The following SPATA6L variants were observed in gnomAD, a reference collection of about 807,000 sequenced individuals.
SPATA6L encodes the protein spermatogenesis associated 6-like protein.
In SPATA6L, 68 loss-of-function variants were observed where a neutral mutation model predicts 49.2. That is an observed-to-expected ratio of 1.38 (90% CI 1.14 to 1.69). The LOEUF (loss-of-function observed/expected upper bound fraction) is 1.69, where lower values mean the gene tolerates loss of function less well. Among genes scored for constraint, SPATA6L ranks in the 40% most tolerant of loss-of-function variants. The probability of loss-of-function intolerance (pLI) is 0.00; values close to 1 mark genes in which losing one functional copy is unlikely to be tolerated. For synonymous variants in SPATA6L, 198 were observed against 165.7 expected, an observed-to-expected ratio of 1.19 and a Z score of -1.50; for missense variants, 668 against 464.3, an observed-to-expected ratio of 1.44 and a Z score of -4.03.
intron 9 of SPATA6L, among the ~76,000 whole-genome samples, chr9:4,608,902 G>C (rs553508593): frequency 1.3e-5 from 2 of 152,034 alleles, no homozygotes; most frequent in South Asian, 4.2e-4. Flanking sequence ...CCACTAGCAA[G>C]ACTAATAAAG....
intron 8 of SPATA6L, among the ~76,000 whole-genome samples, 200 bp downstream of exon 8, chr9:4,618,664 T>C (rs573206245): frequency 4.6e-5 from 7 of 152,164 alleles, no homozygotes; most frequent in Non-Finnish European, 8.8e-5. Context: ...TCATCCTACT[T>C]ATATGAGGGG....
downstream of SPATA6L, among the ~76,000 whole-genome samples, chr9:4,597,654 G>A (rs536543291): frequency 9.8e-5 from 15 of 152,288 alleles, 1 homozygote; most frequent in South Asian, 3.1e-3. Flanking sequence ...TGTGGAGGAT[G>A]GGGCTCCCAG....
At chr9:4,626,613 C>T (rs780427762) in intron 5 of SPATA6L, 42 of 1,220,900 alleles carry the variant, frequency 3.4e-5, no homozygotes, top group Middle Eastern at 2.3e-4. Context: ...CCCCTTTTAT[C>T]TTTCAGTCTT....
At chr9:4,661,749 T>TCCTACTGCGGTTTTGCTTCAAGG in intron 2 of SPATA6L, 150 bp downstream of exon 2, 1 of 799,950 alleles carries the variant, frequency 1.3e-6, no homozygotes, top group South Asian at 2.2e-5. Context: ...AAGCAAGTGT[T>TCCTACTGCGGTTTTGCTTCAAGG]CCGACTGCGG....
chr9:4,658,123 T>A (rs1336371335), intron 2 of SPATA6L, among the ~76,000 whole-genome samples: 1 of 152,218 alleles, frequency 6.6e-6, no homozygotes, highest in East Asian at 1.9e-4. Flanking sequence ...ATTTCAAGAA[T>A]TGTAGCCTCC....
chr9:4,606,384 A>G (rs1163224568), intron 9 of SPATA6L, among the ~76,000 whole-genome samples: 3 of 123,390 alleles, frequency 2.4e-5, no homozygotes, highest in Admixed American at 8.6e-5. Flanking sequence ...ACCTCTGCAG[A>G]CTTAAATGTC....
At chr9:4,635,154 C>T in intron 4 of SPATA6L, 121 bp downstream of exon 4, 1 of 1,049,152 alleles carries the variant, frequency 9.5e-7, no homozygotes, top group Non-Finnish European at 1.3e-6. Context: ...CAAAACAGAG[C>T]TACTAAACAG....
chr9:4,649,138 G>C (rs1163199303), intron 3 of SPATA6L, among the ~76,000 whole-genome samples: 1 of 151,914 alleles, frequency 6.6e-6, no homozygotes, highest in Non-Finnish European at 1.5e-5. Flanking sequence ...TGGGCATTTG[G>C]ATTGGTTCCA....
intron 1 of SPATA6L, chr9:4,663,284 C>T: frequency 6.2e-7 from 1 of 1,600,828 alleles, no homozygotes; most frequent in Admixed American, 1.7e-5. Context: ...TTGATTATGG[C>T]ACCAGGAAGT....
intron 6 of SPATA6L, 106 bp from the exon 7 acceptor site, chr9:4,622,616 T>G: frequency 1.3e-6 from 1 of 772,108 alleles, no homozygotes; most frequent in South Asian, 1.8e-5. Flanking sequence ...TTACACGGGT[T>G]GGAAAAAGAA....
rs557866276 is a variant in SPATA6L at position 4,598,656 on chromosome 9, T to C, written c.*2155A>G. 6.6e-6 allele frequency among the ~76,000 whole-genome samples: 1 copy of C among 152,236 alleles called. No individual in the cohort carries two copies. Among genetic ancestry groups the C allele is most frequent in the East Asian group, 1.9e-4 (1 of 5,204 alleles). The stretch of plus-strand genomic sequence containing the variant: ...AAACACTGAATATTGAATGTCATGG[T>C]GTATATTTTAACAATAACTGAAATG... On this transcript the variant is annotated 3_prime_UTR_variant, in exon 12 of 12. Coordinates refer to ENST00000682582, the MANE Select transcript of SPATA6L (RefSeq NM_001353486.2).
Position 4,644,900 on chromosome 9 carries a change from T to G in SPATA6L, c.227-9501A>C, listed in dbSNP as rs1347639762. Among the ~76,000 whole-genome samples the G allele has an allele frequency of 2.6e-5, 4 of 152,326 alleles. No individual in the cohort carries two copies. In the East Asian group the frequency reaches 5.8e-4, roughly 22 times the overall value. ...CAGCTTCCTCCTAGAATCTCATGAT[T>G]CTAGCACAGGGGTCACAGACTTTCT... On this transcript the variant is annotated intron_variant, in intron 3 of 11. Coordinates refer to ENST00000682582, the MANE Select transcript of SPATA6L (RefSeq NM_001353486.2).
rs1352902652 is a variant in SPATA6L at position 4,606,353 on chromosome 9, A to T, written c.996-913T>A. Among the ~76,000 whole-genome samples, 11 of 138,390 alleles carry T rather than the reference A, an allele frequency of 7.9e-5. 2 individuals are homozygous for T. The highest frequency in any genetic ancestry group is 9.2e-5 in the Non-Finnish European group (6 of 65,240). 90.8% of individuals were successfully genotyped at this position (138,390 alleles called of 152,430 possible). ...CGCCACGTCTGGGGGCAGGGCACAG[A>T]CAAACAAAAAGACAGCAGTAACCTC... On this transcript the variant is annotated intron_variant, in intron 9 of 11. Coordinates refer to ENST00000682582, the MANE Select transcript of SPATA6L (RefSeq NM_001353486.2).
rs371369355 is a variant in SPATA6L at position 4,613,253 on chromosome 9, A to AAAGG, written c.995+4669_995+4670insCCTT. On this transcript the variant is annotated intron_variant, in intron 9 of 11. Coordinates refer to ENST00000682582, the MANE Select transcript of SPATA6L (RefSeq NM_001353486.2). ...AAAAAAAAAAAAGAAAGAAAGAAAG[A>AAAGG]AAGAAAATGATTCTCTTTAATTAAT... is the stretch of plus-strand genomic sequence containing the variant. Among the ~76,000 whole-genome samples the AAAGG allele has an allele frequency of 9.5e-4, 144 of 152,038 alleles. No individual in the cohort carries two copies. In the Middle Eastern group the frequency reaches 0.017, roughly 18 times the overall value.
chr9:4,646,387 T>C, intron 3 of SPATA6L: 1 of 708,184 alleles, frequency 1.4e-6, no homozygotes. Context: ...TGTATGTTAT[T>C]TTCAAACACA....
At chr9:4,596,726 T>A (rs1365200562), downstream of SPATA6L, among the ~76,000 whole-genome samples, 32 of 152,190 alleles carry the variant, frequency 2.1e-4, 1 homozygote, top group Non-Finnish European at 1.2e-4. Flanking sequence ...TTCTGAAATG[T>A]TCTGAGTTCA....
rs949631810 is a variant in SPATA6L, at chr9:4,645,492, T to C, written c.227-10093A>G. On this transcript the variant is annotated intron_variant, in intron 3 of 11. Transcript: ENST00000682582. ...TAGCCAGGTGACACAGGGAATCACATAGTGAGGGTGCTGAGCATGCTAGCT... is the reference window on the plus strand; with the variant it reads ...TAGCCAGGTGACACAGGGAATCACACAGTGAGGGTGCTGAGCATGCTAGCT... 3.9e-5 allele frequency among the ~76,000 whole-genome samples: 6 copies of C among 152,162 alleles called. No homozygotes were observed. The South Asian group carries it at 1.0e-3, about 26-fold the overall frequency.
intron 2 of SPATA6L, among the ~76,000 whole-genome samples, chr9:4,658,195 G>C (rs991727983): frequency 1.3e-5 from 2 of 152,176 alleles, no homozygotes; most frequent in African/African-American, 4.8e-5. Context: ...CTTTTGTATA[G>C]CAGCTCTAGG....
At position 4,662,904 on chromosome 9, in the gene SPATA6L, C is replaced by T. The variant is rs1158652180; in HGVS notation, c.40-868G>A. 6 of 1,609,052 alleles carry T rather than the reference C, an allele frequency of 3.7e-6. No individual in the cohort carries two copies. Among genetic ancestry groups the T allele is most frequent in the Non-Finnish European group, 5.1e-6 (6 of 1,179,972 alleles). Reference sequence around the variant, plus strand: ...CCTGCTCTTCGCCCTGCTGTTGGACCTGCTGCTGGTGGCCTTGATCAAAGG... The same window carrying T: ...CCTGCTCTTCGCCCTGCTGTTGGACTTGCTGCTGGTGGCCTTGATCAAAGG... On this transcript the variant is annotated intron_variant, in intron 1 of 11. Coordinates refer to ENST00000682582, the MANE Select transcript of SPATA6L (RefSeq NM_001353486.2). This position sits in a 1 kb window ranked among gnomAD's most constrained non-coding sequence, Gnocchi z 4.9.
Sources: gnomAD v4.1 joint callset for allele counts (sites outside exome capture counted in the v4.1 genomes callset) on GRCh38, gnomAD v4.1.1 for gene constraint, Gnocchi (gnomAD v3.1) non-coding constraint, MANE v1.5 for transcripts, NCBI Gene and HGNC (gene_info 2026-07-23, HGNC 2026-07-21) for gene names.